SPACA1: variants seen among roughly 807,000 people sequenced by gnomAD.
SPACA1 encodes sperm acrosome membrane-associated protein 1.
SPACA1 carries 17 observed loss-of-function variants against 32.6 expected under a neutral mutation model. The observed-to-expected ratio is 0.52, with a 90% CI of 0.36 to 0.78. SPACA1 has a LOEUF of 0.78. SPACA1 is among the 30% of genes least tolerant of loss of function. SPACA1 has a pLI of 0.01. For missense variants in SPACA1, 363 were observed against 373.4 expected (o/e 0.97, Z 0.23); for synonymous variants, 140 against 138.1 (o/e 1.01, Z -0.10).
chr6:88,059,229 T>G (rs1034301785), intron 4 of SPACA1, among the ~76,000 whole-genome samples: 3 of 152,150 alleles, frequency 2.0e-5, no homozygotes, highest in African/African-American at 7.2e-5. Flanking sequence ...ATTAAACCCA[T>G]TTTTACAAGT....
At chr6:88,055,310 A>T (rs1775790245) in intron 2 of SPACA1, among the ~76,000 whole-genome samples, 1 of 152,190 alleles carries the variant, frequency 6.6e-6, no homozygotes, top group South Asian at 2.1e-4. Flanking sequence ...ATCGTTATAG[A>T]TGCTAGGGAT....
rs917950161 is a variant in SPACA1 at position 88,065,291 on chromosome 6, CTTA to C, written c.732-887_732-885del. Among the ~76,000 whole-genome samples, 165 of 147,522 alleles carry C rather than the reference CTTA, an allele frequency of 1.1e-3. 1 individual carries two copies. Among genetic ancestry groups the C allele is most frequent in the African/African-American group, 3.9e-3 (159 of 40,480 alleles). ...GACTAAAAATAATGAATGAAAAACA[CTTA>C]TTAGAGAAGAGGTAATATATATTAT... On this transcript the variant is annotated intron_variant, in intron 6 of 6. Transcript: ENST00000237201.
intron 5 of SPACA1, among the ~76,000 whole-genome samples, chr6:88,062,775 C>T (rs1775915882): frequency 6.6e-6 from 1 of 152,024 alleles, no homozygotes; most frequent in Non-Finnish European, 1.5e-5. Flanking sequence ...ATAGCAAGAC[C>T]CCATTTCCTA....
chr6:88,057,173 A>G (rs1355964457), intron 2 of SPACA1, among the ~76,000 whole-genome samples: 1 of 152,202 alleles, frequency 6.6e-6, no homozygotes, highest in South Asian at 2.1e-4. Flanking sequence ...CTGCCAATTA[A>G]TTTATGACAT....
intron 2 of SPACA1, among the ~76,000 whole-genome samples, chr6:88,055,284 C>T (rs181510935): frequency 1.3e-5 from 2 of 152,108 alleles, no homozygotes; most frequent in East Asian, 3.9e-4. Flanking sequence ...AATTATTTGC[C>T]TACTATGTGC....
At chr6:88,058,641 G>GAAA in intron 3 of SPACA1, 75 bp from the exon 4 acceptor site, 1 of 938,836 alleles carries the variant, frequency 1.1e-6, no homozygotes, top group Non-Finnish European at 1.6e-6. Flanking sequence ...CCTGTCTCAG[G>GAAA]AAAAAAAAAA....
intron 3 of SPACA1, 65 bp from the exon 4 acceptor site, chr6:88,058,651 A>G (rs1775845455): frequency 4.3e-6 from 5 of 1,166,000 alleles, no homozygotes; most frequent in Non-Finnish European, 6.3e-6. Flanking sequence ...GAAAAAAAAA[A>G]GTAATTTCGT....
At chr6:88,047,677 A>G, upstream of SPACA1, 1 of 513,512 alleles carries the variant, frequency 1.9e-6, no homozygotes, top group South Asian at 3.1e-5. Flanking sequence ...GACTTGTCGC[A>G]CGCGGCTTCT....
Position 88,058,840 on chromosome 6 carries a change from A to G in SPACA1, c.474+18A>G, listed in dbSNP as rs745496992. 7.6e-5 allele frequency: 116 copies of G among 1,520,092 alleles called. No homozygotes were observed. Among genetic ancestry groups the G allele is most frequent in the Non-Finnish European group, 9.6e-5 (106 of 1,101,134 alleles). 94.2% of individuals were successfully genotyped at this position (1,520,092 alleles called of 1,614,324 possible). A position where few individuals can be genotyped will look rare whatever the true frequency, so the allele number is the denominator to read the frequency against. ...AAGACCAAGTGAGTAATGAATGGAT[A>G]TAACCTGGTGCTTTCTAGTGAGTGA... On this transcript the variant is annotated intron_variant, in intron 4 of 6. Coordinates refer to ENST00000237201, the MANE Select transcript of SPACA1 (RefSeq NM_030960.3).
At chr6:88,058,567 A>G (rs1775843914) in intron 3 of SPACA1, 149 bp from the exon 4 acceptor site, 1 of 557,808 alleles carries the variant, frequency 1.8e-6, no homozygotes. Flanking sequence ...TGAGCCCAGG[A>G]GGCAGAGATT....
intron 6 of SPACA1, 58 bp downstream of exon 6, chr6:88,064,277 C>A: frequency 1.3e-6 from 2 of 1,547,644 alleles, no homozygotes; most frequent in East Asian, 4.6e-5. Context: ...CTTCCCCCTC[C>A]TCATCCAGTG....
upstream of SPACA1, among the ~76,000 whole-genome samples, chr6:88,047,314 T>C (rs1775651460): frequency 6.6e-6 from 1 of 152,218 alleles, no homozygotes; most frequent in South Asian, 2.1e-4. Flanking sequence ...GAGTATCAGA[T>C]GATTTCTAAA....
At chr6:88,048,990 T>C (rs1775689229) in intron 1 of SPACA1, among the ~76,000 whole-genome samples, 1 of 152,122 alleles carries the variant, frequency 6.6e-6, no homozygotes, top group Non-Finnish European at 1.5e-5. Flanking sequence ...TCTATACATA[T>C]CGAGTGACTG....
At chr6:88,065,862 A>C (rs1284061912) in intron 6 of SPACA1, among the ~76,000 whole-genome samples, 1 of 151,768 alleles carries the variant, frequency 6.6e-6, no homozygotes, top group East Asian at 1.9e-4. Context: ...ATTTGAATAC[A>C]AAATGTATGA....
At chr6:88,056,603 GA>G (rs1465841088) in intron 2 of SPACA1, among the ~76,000 whole-genome samples, 1 of 152,186 alleles carries the variant, frequency 6.6e-6, no homozygotes, top group Non-Finnish European at 1.5e-5. Flanking sequence ...ATCTCCAGGT[GA>G]CTTGCATGCA....
chr6:88,055,881 G>C (rs1775799626), intron 2 of SPACA1, among the ~76,000 whole-genome samples: 1 of 152,204 alleles, frequency 6.6e-6, no homozygotes, highest in African/African-American at 2.4e-5. Context: ...TAAGGCAGGA[G>C]AATTGCTTGA....
intron 5 of SPACA1, 107 bp from the exon 6 acceptor site, chr6:88,063,992 A>G: frequency 1.5e-6 from 2 of 1,294,312 alleles, no homozygotes; most frequent in South Asian, 1.7e-5. Flanking sequence ...TGCACTAAGC[A>G]TTTCTTTATG....
chr6:88,051,300 A>C (rs1775725073), intron 1 of SPACA1, among the ~76,000 whole-genome samples: 1 of 152,212 alleles, frequency 6.6e-6, no homozygotes, highest in Admixed American at 6.5e-5. Context: ...CAAAATAGAA[A>C]GTTGTAGTCT....
upstream of SPACA1, chr6:88,047,698 C>T (rs375689313): frequency 2.0e-4 from 110 of 539,584 alleles, 1 homozygote; most frequent in African/African-American, 1.9e-3. Flanking sequence ...CGTCGCGTTC[C>T]GTCTTGCACG....
Sources: allele counts gnomAD v4.1 joint callset (sites outside exome capture counted in the v4.1 genomes callset), GRCh38; gene constraint gnomAD v4.1.1; transcripts MANE v1.5; gene names NCBI Gene and HGNC (gene_info 2026-07-23, HGNC 2026-07-21).